RSPO1: variants seen among roughly 807,000 people sequenced by gnomAD.
RSPO1 encodes the protein R-spondin 1.
A neutral mutation model predicts 26.0 loss-of-function variants in RSPO1; 18 were observed. The observed-to-expected ratio is 0.69, with a 90% CI of 0.48 to 1.03. The LOEUF is 1.03. Among genes scored for constraint, RSPO1 ranks in the 50% least tolerant of loss-of-function variants. The probability of loss-of-function intolerance (pLI) is 0.00; values close to 1 mark genes in which losing one functional copy is unlikely to be tolerated. For missense variants in RSPO1, 309 were observed against 352.3 expected, an observed-to-expected ratio of 0.88 and a Z score of 0.98; for synonymous variants, 133 against 137.4, an observed-to-expected ratio of 0.97 and a Z score of 0.22.
chr1:37,629,113 G>GCTTC (rs1644319866), intron 3 of RSPO1, among the ~76,000 whole-genome samples: 1 of 152,198 alleles, frequency 6.6e-6, no homozygotes, highest in South Asian at 2.1e-4. Context: ...GGCAGGGGAA[G>GCTTC]CCCTGTTACC....
In RSPO1 at chr1:37,612,935, A is replaced by G. The variant is rs1241545612; in HGVS notation, c.626-14T>C. On this transcript the variant is annotated splice_polypyrimidine_tract_variant and intron_variant, in intron 6 of 6. Coordinates refer to ENST00000356545, the MANE Select transcript of RSPO1 (RefSeq NM_001242908.2). Reference sequence around the variant, plus strand: ...TCCTCTTCTGCCCTGAAACAACCAAACAGCAGGAAGAATCAACAAAGGATG... The same window carrying G: ...TCCTCTTCTGCCCTGAAACAACCAAGCAGCAGGAAGAATCAACAAAGGATG... 6.2e-7 allele frequency: 1 copy of G among 1,613,486 alleles called. No homozygotes were observed. Among genetic ancestry groups the G allele is most frequent in the Non-Finnish European group, 8.5e-7 (1 of 1,179,854 alleles).
At chr1:37,623,582 G>C (rs1010211234) in intron 3 of RSPO1, among the ~76,000 whole-genome samples, 1 of 151,912 alleles carries the variant, frequency 6.6e-6, no homozygotes, top group Admixed American at 6.6e-5. Flanking sequence ...ATCCTGGATC[G>C]ACCATGGCAT....
chr1:37,633,044 C>A (rs1644382616), intron 1 of RSPO1, among the ~76,000 whole-genome samples: 1 of 152,226 alleles, frequency 6.6e-6, no homozygotes, highest in African/African-American at 2.4e-5. Context: ...TTTCTCTCTG[C>A]CACTGTGGGG....
chr1:37,613,378 C>G lies in RSPO1; in HGVS notation c.625+326G>C, dbSNP rs946825834. On this transcript the variant is annotated intron_variant, in intron 6 of 6. Transcript: ENST00000356545. This position sits in a 1 kb window ranked among gnomAD's most constrained non-coding sequence, Gnocchi z 4.5. Reference sequence around the variant, plus strand: ...ACTTTGGTGGAATCACTACACCCCTCTGGGTCTTAGTGCCCCTTTTCACCC... The same window carrying G: ...ACTTTGGTGGAATCACTACACCCCTGTGGGTCTTAGTGCCCCTTTTCACCC... Among the ~76,000 whole-genome samples the G allele has an allele frequency of 6.6e-6, 1 of 152,230 alleles. No homozygotes were observed. Among genetic ancestry groups the G allele is most frequent in the African/African-American group, 2.4e-5 (1 of 41,460 alleles).
chr1:37,618,692 A>G (rs1200497438), intron 3 of RSPO1, among the ~76,000 whole-genome samples: 1 of 152,206 alleles, frequency 6.6e-6, no homozygotes, highest in Non-Finnish European at 1.5e-5. Context: ...CAGAGAGGAA[A>G]GAGGCATGGG....
At chr1:37,622,636 C>T (rs1166991648) in intron 3 of RSPO1, among the ~76,000 whole-genome samples, 1 of 152,162 alleles carries the variant, frequency 6.6e-6, no homozygotes, top group African/African-American at 2.4e-5. Flanking sequence ...GAGAAGGATC[C>T]TTGGATAGCT....
Position 37,629,910 on chromosome 1 carries a change from T to A in RSPO1, c.-249A>T. ...ATACCTCGGAATATCATATGAGAGA[T>A]CTTTTTGTCACGTCAGCAGGGACTA... On this transcript the variant is annotated 5_prime_UTR_variant, in exon 3 of 7. Coordinates refer to ENST00000356545, the MANE Select transcript of RSPO1 (RefSeq NM_001242908.2). The A allele has an allele frequency of 6.5e-7, 1 of 1,544,136 alleles. No individual in the cohort carries two copies. The highest frequency in any genetic ancestry group is 8.8e-7 in the Non-Finnish European group (1 of 1,141,068).
chr1:37,616,316 T>C (rs961843495), intron 4 of RSPO1, among the ~76,000 whole-genome samples, 168 bp downstream of exon 4: 4 of 152,114 alleles, frequency 2.6e-5, no homozygotes, highest in South Asian at 2.1e-4. Context: ...GGTTCTGATA[T>C]TTACACACCA....
At chr1:37,630,310 G>A (rs1326772859) in intron 2 of RSPO1, among the ~76,000 whole-genome samples, 30 of 138,798 alleles carry the variant, frequency 2.2e-4, no homozygotes, top group Non-Finnish European at 1.1e-4. Flanking sequence ...GTAGTATCCT[G>A]TCTCTTGAAG....
intron 2 of RSPO1, among the ~76,000 whole-genome samples, chr1:37,631,619 C>T (rs1644362489): frequency 6.6e-6 from 1 of 152,194 alleles, no homozygotes; most frequent in Non-Finnish European, 1.5e-5. Flanking sequence ...AGCTATGTTA[C>T]CTTGCTTAGC....
At chr1:37,625,974 A>G (rs1284000888) in intron 3 of RSPO1, among the ~76,000 whole-genome samples, 1 of 152,146 alleles carries the variant, frequency 6.6e-6, no homozygotes, top group Non-Finnish European at 1.5e-5. Flanking sequence ...CACCATGCCA[A>G]GCCAGACCCA....
intron 3 of RSPO1, among the ~76,000 whole-genome samples, chr1:37,619,484 A>C (rs1464743209): frequency 6.6e-6 from 1 of 152,240 alleles, no homozygotes; most frequent in Non-Finnish European, 1.5e-5. Flanking sequence ...GAGTGAGTCT[A>C]TGCTGCAGGA....
intron 2 of RSPO1, among the ~76,000 whole-genome samples, chr1:37,630,469 T>C (rs998931148): frequency 6.6e-6 from 1 of 152,236 alleles, no homozygotes; most frequent in Admixed American, 6.5e-5. Context: ...CCTCTGGGCT[T>C]GGCGGGAGAA....
At chr1:37,614,836 T>A (rs1274460388) in intron 4 of RSPO1, among the ~76,000 whole-genome samples, 1 of 152,240 alleles carries the variant, frequency 6.6e-6, no homozygotes, top group Non-Finnish European at 1.5e-5. Context: ...GTTCTCCTCC[T>A]GCCTGGCAGA....
At chr1:37,619,788 C>A (rs981284940) in intron 3 of RSPO1, among the ~76,000 whole-genome samples, 12 of 151,652 alleles carry the variant, frequency 7.9e-5, no homozygotes, top group African/African-American at 2.9e-4. Context: ...CACTCAGTCA[C>A]CCAGGCTGGA....
At chr1:37,630,367 C>T (rs1009281456) in intron 2 of RSPO1, among the ~76,000 whole-genome samples, 2 of 152,216 alleles carry the variant, frequency 1.3e-5, no homozygotes, top group African/African-American at 4.8e-5. Context: ...ACCCCTCAGC[C>T]TTTTCTTCCC....
chr1:37,630,325 GCTCT>G (rs5773594), intron 2 of RSPO1, among the ~76,000 whole-genome samples: 21 of 151,084 alleles, frequency 1.4e-4, no homozygotes, highest in East Asian at 9.8e-4. Context: ...TTGAAGAGGA[GCTCT>G]CTCTCTCTCT....
In RSPO1 at chr1:37,630,109, T is replaced by C. The variant is rs552561965; in HGVS notation, c.-288-160A>G. On this transcript the variant is annotated intron_variant, in intron 2 of 6. Transcript: ENST00000356545. ...AAGAAATCTGCTCCTTTTCCTGTCT[T>C]ACAGAATTCCCTAACCTGGGACCGG... Among the ~76,000 whole-genome samples the C allele has an allele frequency of 7.2e-5, 11 of 152,302 alleles. 1 individual carries two copies. In the South Asian group the frequency reaches 2.3e-3, roughly 32 times the overall value.
chr1:37,618,930 G>A (rs1644158102), intron 3 of RSPO1, among the ~76,000 whole-genome samples: 1 of 152,160 alleles, frequency 6.6e-6, no homozygotes, highest in Non-Finnish European at 1.5e-5. Flanking sequence ...GGCAACAAGA[G>A]CCAGGCAGCG....
Sources: allele counts gnomAD v4.1 joint callset (sites outside exome capture counted in the v4.1 genomes callset), GRCh38; gene constraint gnomAD v4.1.1; non-coding constraint Gnocchi (gnomAD v3.1); transcripts MANE v1.5; gene names NCBI Gene and HGNC (gene_info 2026-07-23, HGNC 2026-07-21).